Variants in ZSWIM6 observed in about 807,000 individuals in gnomAD.
ZSWIM6 encodes zinc finger SWIM-type containing 6.
In ZSWIM6, 9 loss-of-function variants were observed where a neutral mutation model predicts 113.2. The ratio of observed to expected loss-of-function variants is 0.08; its 90% CI spans 0.05 to 0.14. The LOEUF is 0.14. Among genes scored for constraint, ZSWIM6 ranks in the 10% least tolerant of loss-of-function variants. The pLI is 1.00. For synonymous variants in ZSWIM6, 611 were observed against 606.5 expected (o/e 1.01, Z -0.11); for missense variants, 1,162 against 1,552.2 (o/e 0.75, Z 4.22).
chr5:61,340,083 G>T (rs1744510448), intron 1 of ZSWIM6, among the ~76,000 whole-genome samples: 1 of 152,164 alleles, frequency 6.6e-6, no homozygotes, highest in Admixed American at 6.5e-5. Context: ...AGTGCCCTGT[G>T]TTCCTCTAAG....
At position 61,537,350 on chromosome 5, in the gene ZSWIM6, G is replaced by A. The variant is rs1158284532; in HGVS notation, c.2382-1464G>A. Among the ~76,000 whole-genome samples the A allele has an allele frequency of 2.6e-5, 4 of 152,148 alleles. No individual in the cohort carries two copies. In the East Asian group the frequency reaches 7.7e-4, roughly 29 times the overall value. ...GCCAAAGGTCTGCCATGGAAGGCAG[G>A]TATGTGCCCCACCAGGTATTGCAAG... On this transcript the variant is annotated intron_variant, in intron 10 of 13. Transcript: ENST00000252744.
rs13166910 is a variant in ZSWIM6 at position 61,521,038 on chromosome 5, T to C, written c.1334-225T>C. Among the ~76,000 whole-genome samples, 20,210 of 152,084 alleles carry C rather than the reference T, an allele frequency of 0.13. 1,445 individuals carry two copies. The highest frequency in any genetic ancestry group is 0.18 in the Middle Eastern group (53 of 294). On this transcript the variant is annotated intron_variant, in intron 4 of 13. Transcript: ENST00000252744. Reference sequence around the variant, plus strand: ...TTCAATAAACTCTCTGTGGGATTTGTGGCTTATGTTAAGGAGAATTAAGTT... The same window carrying C: ...TTCAATAAACTCTCTGTGGGATTTGCGGCTTATGTTAAGGAGAATTAAGTT...
chr5:61,534,380 A>G (rs1749520061), intron 9 of ZSWIM6, among the ~76,000 whole-genome samples: 3 of 152,224 alleles, frequency 2.0e-5, no homozygotes, highest in Admixed American at 2.0e-4. Context: ...CATTAAAATG[A>G]CCTAGAATAT....
At chr5:61,482,734 A>G (rs1191470967) in intron 2 of ZSWIM6, among the ~76,000 whole-genome samples, 2 of 152,048 alleles carry the variant, frequency 1.3e-5, no homozygotes, top group African/African-American at 4.8e-5. Context: ...TCTAATTTTT[A>G]TTGCTCAGTT....
chr5:61,511,664 C>G (rs1174483873), intron 4 of ZSWIM6, among the ~76,000 whole-genome samples: 1 of 152,154 alleles, frequency 6.6e-6, no homozygotes, highest in Non-Finnish European at 1.5e-5. Context: ...GGGGCATGCC[C>G]TCACCAGATG....
intron 1 of ZSWIM6, among the ~76,000 whole-genome samples, chr5:61,360,017 A>AGAGG (rs1554030610): frequency 2.6e-5 from 4 of 151,578 alleles, no homozygotes; most frequent in African/African-American, 4.8e-5. Flanking sequence ...AGAGAGAGAG[A>AGAGG]GAGGGAGAAT....
In ZSWIM6 at chr5:61,545,864, T is replaced by C. The variant is rs1317628555; in HGVS notation, c.*1547T>C. On this transcript the variant is annotated 3_prime_UTR_variant, in exon 14 of 14. Transcript: ENST00000252744. Reference sequence around the variant, plus strand: ...TAACCTTGTGCTTTTTAAAGCAATTTTTATGTTTTGGTGCAAAAGTTGTCC... The same window carrying C: ...TAACCTTGTGCTTTTTAAAGCAATTCTTATGTTTTGGTGCAAAAGTTGTCC... The C allele has an allele frequency of 6.6e-6, 1 of 152,180 alleles. No homozygotes were observed. The highest frequency in any genetic ancestry group is 1.5e-5 in the Non-Finnish European group (1 of 68,032). The allele number at this position is 152,180 out of a possible 1,614,324, so 9.4% of individuals were successfully genotyped here.
chr5:61,440,131 G>A (rs1439610085), intron 1 of ZSWIM6, among the ~76,000 whole-genome samples: 3 of 151,816 alleles, frequency 2.0e-5, no homozygotes, highest in East Asian at 1.9e-4. Context: ...GAAAAAAAAA[G>A]CGCGAGAGTA....
chr5:61,364,235 A>G (rs1745106835), intron 1 of ZSWIM6, among the ~76,000 whole-genome samples: 2 of 151,978 alleles, frequency 1.3e-5, no homozygotes, highest in Non-Finnish European at 2.9e-5. Context: ...AGAAAACATA[A>G]TAGCATACTC....
rs140042842 is a variant in ZSWIM6 at position 61,335,144 on chromosome 5, C to T, written c.676+2196C>T. 5.1e-3 allele frequency among the ~76,000 whole-genome samples: 777 copies of T among 152,322 alleles called. 7 individuals are homozygous for T. The highest frequency in any genetic ancestry group is 6.5e-3 in the Non-Finnish European group (445 of 68,024). On this transcript the variant is annotated intron_variant, in intron 1 of 13. Transcript: ENST00000252744. ...GAGTAGTTGTAAAAGAAAATAGTAA[C>T]TTTTTGAATAGTCCCCAAAGGGGAA...
Position 61,544,546 on chromosome 5 carries a change from T to G in ZSWIM6, c.*229T>G, listed in dbSNP as rs1749836612. 4.6e-6 allele frequency: 1 copy of G among 217,348 alleles called. No individual in the cohort carries two copies. Among genetic ancestry groups the G allele is most frequent in the African/African-American group, 2.3e-5 (1 of 43,552 alleles). 13.5% of individuals were successfully genotyped at this position (217,348 alleles called of 1,614,324 possible). On this transcript the variant is annotated 3_prime_UTR_variant, in exon 14 of 14. Coordinates refer to ENST00000252744, the MANE Select transcript of ZSWIM6 (RefSeq NM_020928.2). ...TATTTTATTATTTTTTTTAATTTTTTTTTTCTGGTTTTGTATGAGAGAGAG... is the reference window on the plus strand; with the variant it reads ...TATTTTATTATTTTTTTTAATTTTTGTTTTCTGGTTTTGTATGAGAGAGAG...
intron 1 of ZSWIM6, among the ~76,000 whole-genome samples, chr5:61,345,587 G>A (rs972153199): frequency 6.6e-5 from 10 of 152,184 alleles, no homozygotes; most frequent in African/African-American, 2.4e-4. Context: ...CTGAGGGCAT[G>A]TTGGGGATGA....
At chr5:61,341,623 T>G (rs1342120541) in intron 1 of ZSWIM6, among the ~76,000 whole-genome samples, 1 of 152,216 alleles carries the variant, frequency 6.6e-6, no homozygotes, top group Non-Finnish European at 1.5e-5. Context: ...ATAAAGAATT[T>G]GCTGAAAGTT....
chr5:61,332,347 G>GGGC lies in ZSWIM6; in HGVS notation c.76_78dup (p.Gly26dup), dbSNP rs1744267660. 1 of 966,576 alleles carries GGGC rather than the reference G, an allele frequency of 1.0e-6. No individual in the cohort carries two copies. Among genetic ancestry groups the GGGC allele is most frequent in the Admixed American group, 5.9e-5 (1 of 17,026 alleles). 59.9% of individuals were successfully genotyped at this position (966,576 alleles called of 1,614,324 possible). A position where few individuals can be genotyped will look rare whatever the true frequency, so the allele number is the denominator to read the frequency against. On this transcript the variant is annotated inframe_insertion, in exon 1 of 14. Coordinates refer to ENST00000252744, the MANE Select transcript of ZSWIM6 (RefSeq NM_020928.2). ...GGCCGGGCGGCGGCGGCGGCGGCGG[G>GGGC]GGCAGCAGCGGCGGCGGCGGCGGCG...
chr5:61,414,495 C>T (rs970787303), intron 1 of ZSWIM6, among the ~76,000 whole-genome samples: 2 of 152,018 alleles, frequency 1.3e-5, no homozygotes, highest in African/African-American at 2.4e-5. Flanking sequence ...AATCTTTTTT[C>T]CTTTGCCCTG....
chr5:61,462,432 T>C (rs1168335028), intron 1 of ZSWIM6, among the ~76,000 whole-genome samples: 1 of 152,250 alleles, frequency 6.6e-6, no homozygotes, highest in African/African-American at 2.4e-5. Context: ...ATCCTTTTCA[T>C]TTTCCTTCAA....
At chr5:61,490,636 A>G (rs1208512442) in intron 2 of ZSWIM6, 150 bp from the exon 3 acceptor site, 12 of 714,678 alleles carry the variant, frequency 1.7e-5, no homozygotes, top group Non-Finnish European at 2.4e-5. Flanking sequence ...TGGAAATAAG[A>G]GTGATCCTTG....
chr5:61,396,752 TA>T (rs1465415869), intron 1 of ZSWIM6, among the ~76,000 whole-genome samples: 2 of 152,216 alleles, frequency 1.3e-5, no homozygotes, highest in Non-Finnish European at 2.9e-5. Flanking sequence ...TTAAACATTT[TA>T]AAATTAAGTT....
chr5:61,435,731 A>AT (rs1451131850), intron 1 of ZSWIM6, among the ~76,000 whole-genome samples: 1 of 152,132 alleles, frequency 6.6e-6, no homozygotes, highest in African/African-American at 2.4e-5. Flanking sequence ...TAAGAAGCTG[A>AT]TTTATTATAT....
Sources: gnomAD v4.1 joint callset for allele counts (sites outside exome capture counted in the v4.1 genomes callset) on GRCh38, gnomAD v4.1.1 for gene constraint, MANE v1.5 for transcripts, NCBI Gene and HGNC (gene_info 2026-07-23, HGNC 2026-07-21) for gene names.